Variants in SIGLEC8 observed in about 807,000 individuals in gnomAD.
SIGLEC8 encodes sialic acid-binding Ig-like lectin 8.
Under a neutral mutation model 42.1 loss-of-function variants are expected in SIGLEC8, and 32 were observed. The observed-to-expected ratio is 0.76, with a 90% confidence interval of 0.57 to 1.02. SIGLEC8 has a LOEUF of 1.02. Ranked by LOEUF, SIGLEC8 falls within the 50% of genes least tolerant of loss-of-function variation. The probability of loss-of-function intolerance (pLI) is 0.00; values close to 1 mark genes in which losing one functional copy is unlikely to be tolerated. For synonymous variants in SIGLEC8, 262 were observed against 260.3 expected (o/e 1.01, Z -0.06); for missense variants, 611 against 610.2 (o/e 1.00, Z -0.01).
intron 6 of SIGLEC8, among the ~76,000 whole-genome samples, chr19:51,452,993 T>G (rs1463517087): frequency 6.6e-6 from 1 of 152,134 alleles, no homozygotes; most frequent in African/African-American, 2.4e-5. Context: ...GGCCCCCGTG[T>G]GTGAGGCCCT....
rs867534495 is a variant in SIGLEC8 at position 51,457,929 on chromosome 19, C to T, written c.454+5G>A. ...CTGTGGCCTGTGCTGGAGCCCGTGC[C>T]TTACCTGTCACAAACACAGACAGCT... On this transcript the variant is annotated splice_donor_5th_base_variant and intron_variant, in intron 1 of 6. Transcript: ENST00000321424. The T allele has an allele frequency of 2.5e-6, 4 of 1,613,600 alleles. No individual in the cohort carries two copies. Among genetic ancestry groups the T allele is most frequent in the African/African-American group, 1.3e-5 (1 of 74,906 alleles).
intron 3 of SIGLEC8, 51 bp downstream of exon 3, chr19:51,457,133 C>G: frequency 6.6e-7 from 1 of 1,518,522 alleles, no homozygotes; most frequent in Non-Finnish European, 9.1e-7. Flanking sequence ...CAGCCCCATC[C>G]TGAGCTGAAG....
intron 6 of SIGLEC8, chr19:51,453,795 A>G (rs1599927340): frequency 1.0e-6 from 1 of 985,120 alleles, no homozygotes; most frequent in East Asian, 1.1e-4. Flanking sequence ...CTTAATTGAG[A>G]CATGATACCT....
chr19:51,453,096 G>GT (rs111880445), intron 6 of SIGLEC8, among the ~76,000 whole-genome samples: 2,387 of 149,516 alleles, frequency 0.016, 57 homozygotes, highest in African/African-American at 0.049. Context: ...TTGTTTTTTG[G>GT]TTTTTTTTTT....
In SIGLEC8 at chr19:51,458,374, A is replaced by G. The variant is rs750660317; in HGVS notation, c.14T>C (p.Leu5Pro). 5 of 1,612,888 alleles carry G rather than the reference A, an allele frequency of 3.1e-6. No homozygotes were observed. In the Admixed American group the frequency reaches 6.7e-5, roughly 22 times the overall value. ...CCCCCAGAGCAGGGGCAGCAGCAGC[A>G]GCAGCAGCAGCATGTCTGGGTTTGA... MLLL[L>P]LLLPLLWGTK... The change falls in exon 1 of 7, where the codon CTG becomes CCG. Residue 5 changes from leucine (L) to proline (P), a missense_variant. Coordinates refer to ENST00000321424, the MANE Select transcript of SIGLEC8 (RefSeq NM_014442.3).
At position 51,452,344 on chromosome 19, in the gene SIGLEC8, G is replaced by A. The variant is rs746908114; in HGVS notation, c.*35C>T. 2.6e-6 allele frequency: 4 copies of A among 1,551,342 alleles called. No homozygotes were observed. The South Asian group carries it at 3.5e-5, about 14-fold the overall frequency. ...GGGAGCCCTGGTGACCTACTGCATAGCATGGGGCTCTAGAGGGTTCTTGTT... is the reference window on the plus strand; with the variant it reads ...GGGAGCCCTGGTGACCTACTGCATAACATGGGGCTCTAGAGGGTTCTTGTT... On this transcript the variant is annotated 3_prime_UTR_variant, in exon 7 of 7. Coordinates refer to ENST00000321424, the MANE Select transcript of SIGLEC8 (RefSeq NM_014442.3).
chr19:51,453,681 C>G, intron 6 of SIGLEC8: 1 of 914,910 alleles, frequency 1.1e-6, no homozygotes, highest in Non-Finnish European at 1.3e-6. Flanking sequence ...GGTGACAGAG[C>G]AAGATTCTGC....
chr19:51,457,679 T>G lies in SIGLEC8; in HGVS notation c.515A>C (p.Asn172Thr). The change falls in exon 2 of 7, where the codon AAC (asparagine) becomes ACC (threonine). Residue 172 changes from asparagine (N) to threonine (T), a missense_variant. Transcript: ENST00000321424. Reference sequence around the variant, plus strand: ...GGCCCAGGGCACAGAGCAGGTCAGGTTCCTGGAGTGGCCAGACTCTAGGGT... The same window carrying G: ...GGCCCAGGGCACAGAGCAGGTCAGGGTCCTGGAGTGGCCAGACTCTAGGGT... ...LGTLESGHSR[N>T]LTCSVPWACK... is the part of the protein sequence containing the mutation. 2 of 1,607,982 alleles carry G rather than the reference T, an allele frequency of 1.2e-6. No homozygotes were observed. Among genetic ancestry groups the G allele is most frequent in the South Asian group, 2.2e-5 (2 of 90,118 alleles).
At chr19:51,457,130 A>T in intron 3 of SIGLEC8, 54 bp downstream of exon 3, 1 of 1,486,948 alleles carries the variant, frequency 6.7e-7, no homozygotes, top group Non-Finnish European at 9.4e-7. Flanking sequence ...ACCCAGCCCC[A>T]TCCTGAGCTG....
At position 51,454,138 on chromosome 19, in the gene SIGLEC8, C is replaced by T. The variant is rs888926154; in HGVS notation, c.1245+81G>A. 2 of 1,594,772 alleles carry T rather than the reference C, an allele frequency of 1.3e-6. No homozygotes were observed. The highest frequency in any genetic ancestry group is 2.2e-5 in the South Asian group (2 of 89,738). On this transcript the variant is annotated intron_variant, in intron 6 of 6. Transcript: ENST00000321424. This position sits in a 1 kb window ranked among gnomAD's most constrained non-coding sequence, Gnocchi z 4.7. ...AGACGAGGAAGTGACTTTGGCCATACCAAAGAGAGCGATCCTGGGGGCCAT... is the reference window on the plus strand; with the variant it reads ...AGACGAGGAAGTGACTTTGGCCATATCAAAGAGAGCGATCCTGGGGGCCAT...
At position 51,457,597 on chromosome 19, in the gene SIGLEC8, CG is replaced by C; in HGVS notation, c.596del (p.Pro199ArgfsTer28). On this transcript the variant is annotated frameshift_variant, in exon 2 of 7. Transcript: ENST00000321424. LOFTEE classifies it high-confidence loss of function. ...CTGAGGAGCGGGCAGTAGTGGGGCC[CG>C]GGGAGGACACGGAGGCCCCAATCCA... ...ISWIGASVSSPGPTTARSSVL... is the reference protein window; with the variant it reads ...ISWIGASVSSXGPTTARSSVL... 7.4e-6 allele frequency: 12 copies of C among 1,613,204 alleles called. No individual in the cohort carries two copies. Among genetic ancestry groups the C allele is most frequent in the Non-Finnish European group, 1.0e-5 (12 of 1,179,540 alleles).
At position 51,452,125 on chromosome 19, in the gene SIGLEC8, AT is replaced by A; in HGVS notation, c.*253del. On this transcript the variant is annotated 3_prime_UTR_variant, in exon 7 of 7. Coordinates refer to ENST00000321424, the MANE Select transcript of SIGLEC8 (RefSeq NM_014442.3). Reference sequence around the variant, plus strand: ...GAGAACATGGATGAACCTAGGGGATATTTTTTTGTGTAAAATGAGCCACACA... The same window carrying A: ...GAGAACATGGATGAACCTAGGGGATATTTTTTGTGTAAAATGAGCCACACA... 2.7e-6 allele frequency: 1 copy of A among 364,642 alleles called. No homozygotes were observed. The allele number at this position is 364,642 out of a possible 1,614,324, so 22.6% of individuals were successfully genotyped here.
In SIGLEC8 at chr19:51,454,860, C is replaced by T. The variant is rs1989452755; in HGVS notation, c.1052-80G>A. ...TTCCCCTCCCACTGTCTGCAGGGCC[C>T]TAGACTTCCATTCCCCTCTTCTCCT... On this transcript the variant is annotated intron_variant, in intron 4 of 6. Coordinates refer to ENST00000321424, the MANE Select transcript of SIGLEC8 (RefSeq NM_014442.3). The surrounding 1 kb of genome is among the most constrained non-coding windows in gnomAD (Gnocchi z 4.7). 2.0e-6 allele frequency: 2 copies of T among 983,284 alleles called. No individual in the cohort carries two copies. The highest frequency in any genetic ancestry group is 3.2e-5 in the African/African-American group (2 of 62,526). The allele number at this position is 983,284 out of a possible 1,614,324, so 60.9% of individuals were successfully genotyped here.
rs1568514234 is a variant in SIGLEC8 at position 51,454,160 on chromosome 19, C to T, written c.1245+59G>A. On this transcript the variant is annotated intron_variant, in intron 6 of 6. Transcript: ENST00000321424. The surrounding 1 kb of genome is among the most constrained non-coding windows in gnomAD (Gnocchi z 4.7). ...ATACCAAAGAGAGCGATCCTGGGGG[C>T]CATCCTGTCAGAGGTGTCCAGGCTG... is the stretch of plus-strand genomic sequence containing the variant. 3.1e-6 allele frequency: 5 copies of T among 1,608,132 alleles called. No homozygotes were observed. The highest frequency in any genetic ancestry group is 4.2e-6 in the Non-Finnish European group (5 of 1,176,806).
rs767798552 is a variant in SIGLEC8, at chr19:51,458,000, T to C, written c.388A>G (p.Ser130Gly). 2 of 1,614,190 alleles carry C rather than the reference T, an allele frequency of 1.2e-6. No homozygotes were observed. Among genetic ancestry groups the C allele is most frequent in the Non-Finnish European group, 8.5e-7 (1 of 1,180,030 alleles). Reference sequence around the variant, plus strand: ...TGTGATTTGTAACTCCATTTCATGCTTCCTCTCTCTAGCCGAAAGAAATAT... The same window carrying C: ...TGTGATTTGTAACTCCATTTCATGCCTCCTCTCTCTAGCCGAAAGAAATAT... The part of the protein sequence containing the change: ...GSYFFRLERG[S>G]MKWSYKSQLN... Residue 130 changes from serine to glycine, a missense_variant, in exon 1 of 7, where the codon AGC (serine) becomes GGC (glycine). Ser to Gly is a moderately conservative substitution (Grantham distance 56, BLOSUM62 0). Transcript: ENST00000321424.
chr19:51,458,435 G>A lies in SIGLEC8; in HGVS notation c.-48C>T, dbSNP rs770207157. 1 of 1,576,436 alleles carries A rather than the reference G, an allele frequency of 6.3e-7. No individual in the cohort carries two copies. Among genetic ancestry groups the A allele is most frequent in the Non-Finnish European group, 8.6e-7 (1 of 1,160,596 alleles). ...GCCGCCAGGGAACGTCTGTTCCTCA[G>A]GGTTCTTCTCTCAGAAACTGAGGTC... On this transcript the variant is annotated 5_prime_UTR_variant, in exon 1 of 7. Coordinates refer to ENST00000321424, the MANE Select transcript of SIGLEC8 (RefSeq NM_014442.3).
rs1012517082 is a variant in SIGLEC8, at chr19:51,458,029, C to T, written c.359G>A (p.Gly120Glu). ...TCTCTCTAGCCGAAAGAAATATGAC[C>T]CCTTATCCCTCTTCCTGGCGTCTCT... ...SIRDARKRDK[G>E]SYFFRLERGS... The change falls in exon 1 of 7, where the codon GGG becomes GAG. Residue 120 changes from glycine to glutamate, a missense_variant. Transcript: ENST00000321424. 2 of 1,614,170 alleles carry T rather than the reference C, an allele frequency of 1.2e-6. No homozygotes were observed. The highest frequency in any genetic ancestry group is 8.5e-7 in the Non-Finnish European group (1 of 1,180,018).
rs200706657 is a variant in SIGLEC8, at chr19:51,452,565, C to T, written c.1314G>A (p.Ser438=). Residue 438 remains serine (S), a synonymous_variant, in exon 7 of 7, where the codon TCG becomes TCA. Coordinates refer to ENST00000321424, the MANE Select transcript of SIGLEC8 (RefSeq NM_014442.3). ...AATGGAGCTCTCCTTCCTCCCCTGA[C>T]GAGGGGGCAACAGCTGGGGGAGGCT... The part of the protein sequence containing the change: ...LKKPPPAVAP[S]SGEEGELHYA... 20 of 1,585,990 alleles carry T rather than the reference C, an allele frequency of 1.3e-5. No homozygotes were observed. The highest frequency in any genetic ancestry group is 8.5e-5 in the Admixed American group (5 of 58,510).
In SIGLEC8 at chr19:51,457,601, G is replaced by T. The variant is rs1461493857; in HGVS notation, c.593C>A (p.Ser198Tyr). The change falls in exon 2 of 7, where the codon TCC becomes TAC. Residue 198 changes from serine to tyrosine, a missense_variant. Transcript: ENST00000321424. ...MISWIGASVS[S>Y]PGPTTARSSV... Reference sequence around the variant, plus strand: ...GGAGCGGGCAGTAGTGGGGCCCGGGGAGGACACGGAGGCCCCAATCCAGGA... The same window carrying T: ...GGAGCGGGCAGTAGTGGGGCCCGGGTAGGACACGGAGGCCCCAATCCAGGA... The T allele has an allele frequency of 1.2e-6, 2 of 1,612,928 alleles. No individual in the cohort carries two copies. Among genetic ancestry groups the T allele is most frequent in the Admixed American group, 1.7e-5 (1 of 59,886 alleles).
Sources: gnomAD v4.1 joint callset for allele counts (sites outside exome capture counted in the v4.1 genomes callset) on GRCh38, gnomAD v4.1.1 for gene constraint, Gnocchi (gnomAD v3.1) non-coding constraint, MANE v1.5 for transcripts, NCBI Gene and HGNC (gene_info 2026-07-23, HGNC 2026-07-21) for gene names.